CACNA2D2: variants seen among roughly 807,000 people sequenced by gnomAD.
CACNA2D2 encodes calcium voltage-gated channel auxiliary subunit alpha2delta 2, also known as voltage-dependent calcium channel subunit alpha-2/delta-2.
In CACNA2D2, 48 loss-of-function variants were observed where a neutral mutation model predicts 166.4. That is an observed-to-expected ratio of 0.29 (90% CI 0.23 to 0.37). The LOEUF is 0.37. Ranked by LOEUF, CACNA2D2 falls within the 10% of genes least tolerant of loss-of-function variation. The probability of loss-of-function intolerance (pLI) is 1.00; values close to 1 mark genes in which losing one functional copy is unlikely to be tolerated. For missense variants in CACNA2D2, 1,122 were observed against 1,433.0 expected (o/e 0.78, Z 3.50); for synonymous variants, 561 against 573.7 (o/e 0.98, Z 0.32).
intron 3 of CACNA2D2, among the ~76,000 whole-genome samples, chr3:50,417,650 T>C (rs958465127): frequency 2.6e-5 from 4 of 152,174 alleles, no homozygotes; most frequent in Non-Finnish European, 4.4e-5. Context: ...CTCCTCCTCC[T>C]CCTCACTGTC....
chr3:50,462,430 A>AATAATAATAATG (rs879341559), intron 2 of CACNA2D2, among the ~76,000 whole-genome samples: 220 of 141,932 alleles, frequency 1.6e-3, no homozygotes, highest in Middle Eastern at 0.011. Flanking sequence ...TAATAATAAT[A>AATAATAATAATG]ATGATAATAA....
At chr3:50,434,115 G>A (rs1321934408) in intron 3 of CACNA2D2, among the ~76,000 whole-genome samples, 198 bp downstream of exon 3, 1 of 152,174 alleles carries the variant, frequency 6.6e-6, no homozygotes, top group Non-Finnish European at 1.5e-5. Flanking sequence ...CACCTCTCAT[G>A]CAGCTACTCC....
chr3:50,432,835 G>C (rs1332258576), intron 3 of CACNA2D2, among the ~76,000 whole-genome samples: 1 of 152,222 alleles, frequency 6.6e-6, no homozygotes, highest in Admixed American at 6.5e-5. Flanking sequence ...GGGATCCCAT[G>C]GGGGACAGCA....
At chr3:50,494,732 T>A (rs1439126721) in intron 1 of CACNA2D2, among the ~76,000 whole-genome samples, 1 of 152,144 alleles carries the variant, frequency 6.6e-6, no homozygotes, top group Non-Finnish European at 1.5e-5. Flanking sequence ...TGGAGTCCAA[T>A]GGCACCATCA....
chr3:50,368,038 G>T, intron 24 of CACNA2D2, 100 bp downstream of exon 24: 1 of 1,178,460 alleles, frequency 8.5e-7, no homozygotes, highest in Non-Finnish European at 1.3e-6. Flanking sequence ...CTTAGCTTGT[G>T]CCTGCTTATT....
chr3:50,455,698 T>C (rs1232641278), intron 2 of CACNA2D2, among the ~76,000 whole-genome samples: 1 of 152,040 alleles, frequency 6.6e-6, no homozygotes, highest in Non-Finnish European at 1.5e-5. Flanking sequence ...AGCCCCCAGA[T>C]GGTGACACCC....
intron 3 of CACNA2D2, among the ~76,000 whole-genome samples, chr3:50,399,749 C>T (rs1041156891): frequency 5.3e-5 from 8 of 152,292 alleles, no homozygotes; most frequent in East Asian, 1.9e-4. Context: ...GTGGTAAAGC[C>T]CAGCAGTATT....
At chr3:50,422,229 T>C (rs919806048) in intron 3 of CACNA2D2, among the ~76,000 whole-genome samples, 2 of 152,056 alleles carry the variant, frequency 1.3e-5, no homozygotes, top group Non-Finnish European at 2.9e-5. Flanking sequence ...ACCACCCCAC[T>C]TCCTGTGGAC....
chr3:50,406,313 T>G (rs1706707057), intron 3 of CACNA2D2, among the ~76,000 whole-genome samples: 1 of 151,790 alleles, frequency 6.6e-6, no homozygotes, highest in African/African-American at 2.4e-5. Flanking sequence ...CTGTGCTCAC[T>G]GGAGGTTAAA....
Position 50,365,846 on chromosome 3 carries a change from A to G in CACNA2D2, c.2879T>C (p.Phe960Ser). The G allele has an allele frequency of 6.2e-7, 1 of 1,613,318 alleles. No individual in the cohort carries two copies. Among genetic ancestry groups the G allele is most frequent in the Non-Finnish European group, 8.5e-7 (1 of 1,180,022 alleles). ...AGAGGTCCACCAGGCCAGGTTAAGGAAATCTGCAACGGTGGGCTGCAGTGG... is the reference window on the plus strand; with the variant it reads ...AGAGGTCCACCAGGCCAGGTTAAGGGAATCTGCAACGGTGGGCTGCAGTGG... Reference protein sequence around the residue: ...RGVFVPTVADFLNLAWWTSAA... With the variant: ...RGVFVPTVADSLNLAWWTSAA... The change falls in exon 33 of 38, where the codon TTC (phenylalanine) becomes TCC (serine). Residue 960 changes from phenylalanine (F) to serine (S), a missense_variant. Phe to Ser is a radical substitution (Grantham distance 155). This residue lies in a region of CACNA2D2 where 282 missense variants were observed against 266.2 expected (regional missense o/e 1.06). Transcript: ENST00000424201. This position sits in a 1 kb window ranked among gnomAD's most constrained non-coding sequence, Gnocchi z 4.5.
In CACNA2D2 at chr3:50,490,834, CAAG is replaced by C. The variant is rs572799799; in HGVS notation, c.206+12381_206+12383del. Reference sequence around the variant, plus strand: ...CCAGGCAGCAAGGTCTATTTCAGGACAAGAATAGGGAGGACAGGGGCTTGAAGC... The same window carrying C: ...CCAGGCAGCAAGGTCTATTTCAGGACAATAGGGAGGACAGGGGCTTGAAGC... On this transcript the variant is annotated intron_variant, in intron 1 of 37. Transcript: ENST00000424201. Among the ~76,000 whole-genome samples, 326 of 152,308 alleles carry C rather than the reference CAAG, an allele frequency of 2.1e-3. 3 individuals carry two copies. The highest frequency in any genetic ancestry group is 7.2e-3 in the African/African-American group (299 of 41,566).
At chr3:50,484,399 T>A (rs1054584891) in intron 1 of CACNA2D2, among the ~76,000 whole-genome samples, 1 of 152,156 alleles carries the variant, frequency 6.6e-6, no homozygotes, top group African/African-American at 2.4e-5. Context: ...CCTGCTGTCA[T>A]GTCCCTCCTC....
rs1013605968 is a variant in CACNA2D2, at chr3:50,375,324, T to C, written c.1907+320A>G. ...ACTAGCTGTGTGGGGCAGGCAGAGG[T>C]CAGCCTGCACTGACCCAGCCTGACA... On this transcript the variant is annotated intron_variant, in intron 21 of 37. Transcript: ENST00000424201. The surrounding 1 kb of genome is among the most constrained non-coding windows in gnomAD (Gnocchi z 4.0). Among the ~76,000 whole-genome samples the C allele has an allele frequency of 5.3e-5, 8 of 151,826 alleles. No homozygotes were observed. Among genetic ancestry groups the C allele is most frequent in the African/African-American group, 7.3e-5 (3 of 41,296 alleles).
intron 22 of CACNA2D2, chr3:50,373,227 C>A: frequency 1.6e-5 from 11 of 686,676 alleles, no homozygotes; most frequent in East Asian, 3.0e-5. Flanking sequence ...TGTGTCTCAT[C>A]ATCATACCGA....
chr3:50,461,220 T>C lies in CACNA2D2; in HGVS notation c.288+14898A>G, dbSNP rs576381132. Among the ~76,000 whole-genome samples, 5 of 152,330 alleles carry C rather than the reference T, an allele frequency of 3.3e-5. No individual in the cohort carries two copies. The East Asian group carries it at 5.8e-4, about 18-fold the overall frequency. On this transcript the variant is annotated intron_variant, in intron 2 of 37. Transcript: ENST00000424201. Reference sequence around the variant, plus strand: ...CAAGTTTCTGATAAAAACCAGGTCATGTACAATGGATCGGGAATCTGAATG... The same window carrying C: ...CAAGTTTCTGATAAAAACCAGGTCACGTACAATGGATCGGGAATCTGAATG...
intron 22 of CACNA2D2, among the ~76,000 whole-genome samples, chr3:50,371,188 G>C (rs1244076972): frequency 6.6e-6 from 1 of 152,128 alleles, no homozygotes; most frequent in African/African-American, 2.4e-5. Flanking sequence ...GCGTGGAGAC[G>C]GGCTGGGTCT....
At chr3:50,390,812 T>C (rs1408868356) in intron 4 of CACNA2D2, among the ~76,000 whole-genome samples, 2 of 152,050 alleles carry the variant, frequency 1.3e-5, no homozygotes, top group African/African-American at 2.4e-5. Flanking sequence ...GCTGAGGAAA[T>C]GAGCACGGGG....
Position 50,503,207 on chromosome 3 carries a change from A to T in CACNA2D2, c.206+11T>A, listed in dbSNP as rs1475754287. Reference sequence around the variant, plus strand: ...TCGGCCGGGGTCTCGCGGCCGGCCGAGGCCACTTACGTGTGCTGCTGGGGG... The same window carrying T: ...TCGGCCGGGGTCTCGCGGCCGGCCGTGGCCACTTACGTGTGCTGCTGGGGG... On this transcript the variant is annotated intron_variant, in intron 1 of 37. Coordinates refer to ENST00000424201, the MANE Select transcript of CACNA2D2 (RefSeq NM_006030.4). The T allele has an allele frequency of 4.2e-6, 5 of 1,187,054 alleles. No individual in the cohort carries two copies. Among genetic ancestry groups the T allele is most frequent in the Non-Finnish European group, 5.2e-6 (5 of 958,150 alleles). The allele number at this position is 1,187,054 out of a possible 1,614,324, so 73.5% of individuals were successfully genotyped here. A position where few individuals can be genotyped will look rare whatever the true frequency, so the allele number is the denominator to read the frequency against.
chr3:50,439,873 G>T (rs1708509899), intron 2 of CACNA2D2, among the ~76,000 whole-genome samples: 1 of 152,208 alleles, frequency 6.6e-6, no homozygotes, highest in African/African-American at 2.4e-5. Flanking sequence ...CCAGTTCAAG[G>T]ACCCTAGCCA....
Sources: allele counts gnomAD v4.1 joint callset (sites outside exome capture counted in the v4.1 genomes callset), GRCh38; gene constraint gnomAD v4.1.1; regional missense constraint gnomAD v4.1.1; non-coding constraint Gnocchi (gnomAD v3.1); transcripts MANE v1.5; gene names NCBI Gene and HGNC (gene_info 2026-07-23, HGNC 2026-07-21).